CIAO3: variants seen among roughly 807,000 people sequenced by gnomAD.
CIAO3 encodes the protein cytosolic iron-sulfur assembly component 3.
CIAO3 carries 45 observed loss-of-function variants against 51.5 expected under a neutral mutation model. The ratio of observed to expected loss-of-function variants is 0.87; its 90% CI spans 0.69 to 1.12. The LOEUF (loss-of-function observed/expected upper bound fraction) is 1.12, where lower values mean the gene tolerates loss of function less well. CIAO3 is among the 50% of genes most tolerant of loss of function. The probability of loss-of-function intolerance (pLI) is 0.00; values close to 1 mark genes in which losing one functional copy is unlikely to be tolerated. For synonymous variants in CIAO3, 314 were observed against 269.3 expected (o/e 1.17, Z -1.63); for missense variants, 668 against 632.5 (o/e 1.06, Z -0.60).
In CIAO3 at chr16:730,283, T is replaced by G. The variant is rs1264887534; in HGVS notation, c.*134A>C. ...CGAGGCGGCTGCGGGTCCTGGCTAG[T>G]CCTAGCTCCTACTCGGGTCCCAGCA... is the stretch of plus-strand genomic sequence containing the variant. On this transcript the variant is annotated 3_prime_UTR_variant, in exon 11 of 11. Transcript: ENST00000251588. The G allele has an allele frequency of 2.2e-6, 2 of 900,342 alleles. No homozygotes were observed. The highest frequency in any genetic ancestry group is 3.3e-5 in the African/African-American group (2 of 60,592). 55.8% of individuals were successfully genotyped at this position (900,342 alleles called of 1,614,324 possible).
At chr16:731,833 G>A in intron 8 of CIAO3, 131 bp from the exon 9 acceptor site, 2 of 1,225,794 alleles carry the variant, frequency 1.6e-6, no homozygotes, top group Non-Finnish European at 2.2e-6. Flanking sequence ...CAGAGGAACA[G>A]CTCCTGTGTC....
At position 731,722 on chromosome 16, in the gene CIAO3, C is replaced by T; in HGVS notation, c.897-20G>A. Reference sequence around the variant, plus strand: ...CTGCACCTGGCAAGGAGGGAGGGGCCTCAGCACAGCTGGGGCTGCTGCCTG... The same window carrying T: ...CTGCACCTGGCAAGGAGGGAGGGGCTTCAGCACAGCTGGGGCTGCTGCCTG... On this transcript the variant is annotated intron_variant, in intron 8 of 10. Coordinates refer to ENST00000251588, the MANE Select transcript of CIAO3 (RefSeq NM_022493.3). The T allele has an allele frequency of 6.5e-7, 1 of 1,535,824 alleles. No homozygotes were observed. Among genetic ancestry groups the T allele is most frequent in the Admixed American group, 1.9e-5 (1 of 51,594 alleles).
At chr16:740,048 G>A (rs758805101) in intron 1 of CIAO3, 173 of 1,394,562 alleles carry the variant, frequency 1.2e-4, no homozygotes, top group Admixed American at 1.9e-4. Context: ...AACAGGGGGC[G>A]TGACCACCAC....
At position 737,637 on chromosome 16, in the gene CIAO3, G is replaced by A. The variant is rs1401959150; in HGVS notation, c.163-308C>T. 4 of 1,364,290 alleles carry A rather than the reference G, an allele frequency of 2.9e-6. No individual in the cohort carries two copies. Among genetic ancestry groups the A allele is most frequent in the Non-Finnish European group, 2.9e-6 (3 of 1,038,354 alleles). The allele number at this position is 1,364,290 out of a possible 1,614,324, so 84.5% of individuals were successfully genotyped here. A position where few individuals can be genotyped will look rare whatever the true frequency, so the allele number is the denominator to read the frequency against. ...ACTCACCCATGGGGCCCTGGACGGG[G>A]TGCTGGCCCCGGTGCACACTCACAG... On this transcript the variant is annotated intron_variant, in intron 2 of 10. Coordinates refer to ENST00000251588, the MANE Select transcript of CIAO3 (RefSeq NM_022493.3). The surrounding 1 kb of genome is among the most constrained non-coding windows in gnomAD (Gnocchi z 5.3).
chr16:738,910 C>T (rs1048088089), intron 2 of CIAO3, among the ~76,000 whole-genome samples: 18 of 149,380 alleles, frequency 1.2e-4, no homozygotes, highest in East Asian at 4.1e-4. Flanking sequence ...TCCCAAAGTG[C>T]TGGGATTACA....
rs536601365 is a variant in CIAO3 at position 732,842 on chromosome 16, C to T, written c.823+456G>A. ...TAGTAGACATGGGGTTTCATCATCT[C>T]GGCCAGGCTGGTCTTGAACTCCTGA... On this transcript the variant is annotated intron_variant, in intron 7 of 10. Transcript: ENST00000251588. The T allele has an allele frequency of 7.2e-5, 23 of 319,802 alleles. 1 individual carries two copies. The highest frequency in any genetic ancestry group is 1.1e-4 in the African/African-American group (5 of 46,258). The allele number at this position is 319,802 out of a possible 1,614,324, so 19.8% of individuals were successfully genotyped here. A position where few individuals can be genotyped will look rare whatever the true frequency, so the allele number is the denominator to read the frequency against.
chr16:736,194 G>T, intron 4 of CIAO3, 72 bp downstream of exon 4: 1 of 1,585,464 alleles, frequency 6.3e-7, no homozygotes, highest in East Asian at 2.2e-5. Flanking sequence ...ACTCAGAGGC[G>T]CGAGGGGCCT....
Position 732,379 on chromosome 16 carries a change from A to C in CIAO3, c.824-6T>G, listed in dbSNP as rs767673719. 1 of 1,612,726 alleles carries C rather than the reference A, an allele frequency of 6.2e-7. No individual in the cohort carries two copies. Among genetic ancestry groups the C allele is most frequent in the Admixed American group, 1.7e-5 (1 of 60,016 alleles). On this transcript the variant is annotated splice_polypyrimidine_tract_variant and splice_region_variant and intron_variant, in intron 7 of 10. Transcript: ENST00000251588. ...CAGCAACCTGAAAACTTCTCCTGCA[A>C]AGAAGCCACAGCGCAGACACTCTTT... is the stretch of plus-strand genomic sequence containing the variant.
rs199916282 is a variant in CIAO3 at position 732,356 on chromosome 16, G to C, written c.841C>G (p.Leu281Val). The C allele has an allele frequency of 2.5e-6, 4 of 1,612,842 alleles. No homozygotes were observed. In the African/African-American group the frequency reaches 4.0e-5, roughly 16 times the overall value. Residue 281 changes from leucine to valine, a missense_variant, in exon 8 of 11, where the codon CTG becomes GTG. Transcript: ENST00000251588. ...VLTTGEVFRL[L>V]EEEGVSLPDL... ...GGGAGGGAGACGCCCTCTTCCTCCA[G>C]CAACCTGAAAACTTCTCCTGCAAAG... is the stretch of plus-strand genomic sequence containing the variant.
rs746463139 is a variant in CIAO3 at position 737,273 on chromosome 16, C to T, written c.219G>A (p.Ala73=). 22 of 1,613,372 alleles carry T rather than the reference C, an allele frequency of 1.4e-5. No individual in the cohort carries two copies. The highest frequency in any genetic ancestry group is 2.7e-5 in the African/African-American group (2 of 74,944). The change falls in exon 3 of 11, where the codon GCG becomes GCA. Residue 73 remains alanine (A), a synonymous_variant. Coordinates refer to ENST00000251588, the MANE Select transcript of CIAO3 (RefSeq NM_022493.3). This position sits in a 1 kb window ranked among gnomAD's most constrained non-coding sequence, Gnocchi z 5.3. ...KAKVSLNDCL[A]CSGCITSAET... ...CTGCGGAGGTGATGCAGCCGCTGCA[C>T]GCCAGGCAGTCGTTTAGCGAGACCT...
chr16:734,644 C>G (rs771691557), intron 5 of CIAO3, 93 bp downstream of exon 5: 3 of 1,604,080 alleles, frequency 1.9e-6, no homozygotes, highest in Non-Finnish European at 2.6e-6. Context: ...GTCTCCACCC[C>G]CCATGCCCCC....
rs148447569 is a variant in CIAO3 at position 730,441 on chromosome 16, G to A, written c.1407C>T (p.Ser469=). ...HTQYHAVEKA[S]TGLGIRW The stretch of plus-strand genomic sequence containing the variant: ...CCTACCACCGGATGCCCAGGCCAGT[G>A]CTGGCCTTCTCCACGGCGTGGTACT... Residue 469 remains serine, a synonymous_variant, in exon 11 of 11, where the codon AGC becomes AGT. Transcript: ENST00000251588. 3.9e-5 allele frequency: 62 copies of A among 1,603,992 alleles called. No individual in the cohort carries two copies. Among genetic ancestry groups the A allele is most frequent in the Non-Finnish European group, 4.7e-5 (56 of 1,179,910 alleles).
Position 736,261 on chromosome 16 carries a change from C to A in CIAO3, c.439+5G>T. The A allele has an allele frequency of 6.2e-7, 1 of 1,612,528 alleles. No homozygotes were observed. The highest frequency in any genetic ancestry group is 8.5e-7 in the Non-Finnish European group (1 of 1,179,670). Reference sequence around the variant, plus strand: ...CGGCAGTGTTACCCCAGGTTCAAAGCCTACCTATTTTTTTAAAGAATGAGG... The same window carrying A: ...CGGCAGTGTTACCCCAGGTTCAAAGACTACCTATTTTTTTAAAGAATGAGG... On this transcript the variant is annotated splice_donor_5th_base_variant and intron_variant, in intron 4 of 10. Coordinates refer to ENST00000251588, the MANE Select transcript of CIAO3 (RefSeq NM_022493.3).
Position 731,716 on chromosome 16 carries a change from A to T in CIAO3, c.897-14T>A, listed in dbSNP as rs2041285337. Reference sequence around the variant, plus strand: ...GCACCGCTGCACCTGGCAAGGAGGGAGGGGCCTCAGCACAGCTGGGGCTGC... The same window carrying T: ...GCACCGCTGCACCTGGCAAGGAGGGTGGGGCCTCAGCACAGCTGGGGCTGC... On this transcript the variant is annotated splice_polypyrimidine_tract_variant and intron_variant, in intron 8 of 10. Coordinates refer to ENST00000251588, the MANE Select transcript of CIAO3 (RefSeq NM_022493.3). The T allele has an allele frequency of 6.5e-7, 1 of 1,542,792 alleles. No individual in the cohort carries two copies. Among genetic ancestry groups the T allele is most frequent in the Admixed American group, 1.9e-5 (1 of 52,120 alleles).
intron 4 of CIAO3, 132 bp from the exon 5 acceptor site, chr16:735,003 C>T (rs1363575100): frequency 3.1e-6 from 4 of 1,281,884 alleles, no homozygotes; most frequent in East Asian, 2.6e-5. Flanking sequence ...AGCCCCGGCC[C>T]CACCGTGGGG....
rs1365913557 is a variant in CIAO3 at position 737,722 on chromosome 16, G to C, written c.163-393C>G. ...TGAAAGGAGGAGGCGGGAAAGCTGA[G>C]GACAAAGGAGGAAAGGACGAAGGCA... On this transcript the variant is annotated intron_variant, in intron 2 of 10. Coordinates refer to ENST00000251588, the MANE Select transcript of CIAO3 (RefSeq NM_022493.3). This position sits in a 1 kb window ranked among gnomAD's most constrained non-coding sequence, Gnocchi z 5.3. The C allele has an allele frequency of 2.3e-6, 3 of 1,291,638 alleles. No homozygotes were observed. Among genetic ancestry groups the C allele is most frequent in the East Asian group, 5.4e-5 (1 of 18,352 alleles). The allele number at this position is 1,291,638 out of a possible 1,614,324, so 80.0% of individuals were successfully genotyped here. A position where few individuals can be genotyped will look rare whatever the true frequency, so the allele number is the denominator to read the frequency against.
chr16:740,519 A>C, intron 1 of CIAO3: 4 of 303,678 alleles, frequency 1.3e-5, no homozygotes, highest in African/African-American at 2.2e-5. Flanking sequence ...GGGAAGGGGA[A>C]GAGGCCCCGG....
At chr16:736,848 G>C in intron 3 of CIAO3, 1 of 344,244 alleles carries the variant, frequency 2.9e-6, no homozygotes, top group Non-Finnish European at 5.5e-6. Context: ...ATTTTTAGTA[G>C]AGACGGGGTT....
At position 736,864 on chromosome 16, in the gene CIAO3, A is replaced by C; in HGVS notation, c.306+322T>G. On this transcript the variant is annotated intron_variant, in intron 3 of 10. Transcript: ENST00000251588. ...TTTTTAGTAGAGACGGGGTTTCACC[A>C]TGTTGGCCACGGTGGTCTCGAACTC... 4 of 367,226 alleles carry C rather than the reference A, an allele frequency of 1.1e-5. No individual in the cohort carries two copies. In the South Asian group the frequency reaches 1.1e-4, roughly 10 times the overall value. The allele number at this position is 367,226 out of a possible 1,614,324, so 22.7% of individuals were successfully genotyped here.
Sources: allele counts gnomAD v4.1 joint callset (sites outside exome capture counted in the v4.1 genomes callset), GRCh38; gene constraint gnomAD v4.1.1; non-coding constraint Gnocchi (gnomAD v3.1); transcripts MANE v1.5; gene names NCBI Gene and HGNC (gene_info 2026-07-23, HGNC 2026-07-21).